DLGAP2: variants seen among roughly 807,000 people sequenced by gnomAD.
The protein encoded by DLGAP2 is DLG associated protein 2, also known as disks large-associated protein 2.
Under a neutral mutation model 100.3 loss-of-function variants are expected in DLGAP2, and 26 were observed. That is an observed-to-expected ratio of 0.26 (90% CI 0.19 to 0.36). The LOEUF (loss-of-function observed/expected upper bound fraction) is 0.36, where lower values mean the gene tolerates loss of function less well. Ranked by LOEUF, DLGAP2 falls within the 10% of genes least tolerant of loss-of-function variation. The pLI is 1.00. For missense variants in DLGAP2, 1,858 were observed against 1,453.2 expected (o/e 1.28, Z -4.53); for synonymous variants, 886 against 630.1 (o/e 1.41, Z -6.08).
intron 3 of DLGAP2, among the ~76,000 whole-genome samples, chr8:1,287,996 GTT>G (rs1263251867): frequency 0.78 from 83,367 of 106,470 alleles, 33,356 homozygotes; most frequent in African/African-American, 0.89. Context: ...GTGTGTGTGT[GTT>G]TGTGTGGTTC....
chr8:1,682,193 T>C lies in DLGAP2; in HGVS notation c.2704+3564T>C, dbSNP rs1798968658. ...TGTGACCCACGTGTGGTCCACAGAGTCCCTCAGCTGCGAAGACAGAGGCCA... is the reference window on the plus strand; with the variant it reads ...TGTGACCCACGTGTGGTCCACAGAGCCCCTCAGCTGCGAAGACAGAGGCCA... On this transcript the variant is annotated intron_variant, in intron 12 of 14. Transcript: ENST00000637795. Among the ~76,000 whole-genome samples, 4 of 152,068 alleles carry C rather than the reference T, an allele frequency of 2.6e-5. No individual in the cohort carries two copies. In the South Asian group the frequency reaches 8.3e-4, roughly 32 times the overall value.
chr8:1,232,264 T>C (rs1798551043), intron 2 of DLGAP2, among the ~76,000 whole-genome samples: 1 of 152,230 alleles, frequency 6.6e-6, no homozygotes, highest in South Asian at 2.1e-4. Context: ...GACCCCGTGC[T>C]GAGGAGTGGG....
intron 2 of DLGAP2, among the ~76,000 whole-genome samples, chr8:989,442 T>A (rs1352955742): frequency 6.6e-6 from 1 of 152,188 alleles, no homozygotes; most frequent in Non-Finnish European, 1.5e-5. Flanking sequence ...CTCTCCTGTG[T>A]CCTGGGCGGC....
intron 1 of DLGAP2, among the ~76,000 whole-genome samples, chr8:874,459 C>T (rs947322353): frequency 3.4e-4 from 51 of 152,024 alleles, no homozygotes; most frequent in African/African-American, 1.1e-3. Context: ...GTTCTTTGTC[C>T]CATTGGTTAT....
chr8:830,786 C>T (rs1348048935), intron 1 of DLGAP2, among the ~76,000 whole-genome samples: 1 of 151,864 alleles, frequency 6.6e-6, no homozygotes, highest in Non-Finnish European at 1.5e-5. Context: ...CTCATGTTGC[C>T]ATTTGAGTTA....
At chr8:1,377,459 G>T (rs1262061337) in intron 3 of DLGAP2, among the ~76,000 whole-genome samples, 3 of 152,240 alleles carry the variant, frequency 2.0e-5, no homozygotes, top group African/African-American at 7.2e-5. Context: ...CAGGATAATG[G>T]TGTGAACCTG....
intron 4 of DLGAP2, among the ~76,000 whole-genome samples, chr8:1,547,007 A>G (rs1486511407): frequency 6.6e-6 from 1 of 152,124 alleles, no homozygotes; most frequent in African/African-American, 2.4e-5. Flanking sequence ...CGAGGACGGC[A>G]CACAGCAAGG....
chr8:1,248,639 A>G (rs1798968112), intron 2 of DLGAP2: 1 of 151,918 alleles, frequency 6.6e-6, no homozygotes, highest in African/African-American at 2.4e-5. Context: ...GACCTTTGAG[A>G]TCAGTGTGGG....
In DLGAP2 at chr8:1,196,967, G is replaced by A. The variant is rs117203481; in HGVS notation, c.74-61884G>A. 1.3e-3 allele frequency among the ~76,000 whole-genome samples: 201 copies of A among 152,290 alleles called. 5 individuals are homozygous for A. In the East Asian group the frequency reaches 0.031, roughly 23 times the overall value. On this transcript the variant is annotated intron_variant, in intron 2 of 14. Coordinates refer to ENST00000637795, the MANE Select transcript of DLGAP2 (RefSeq NM_001346810.2). ...TCCATCCACAAGCTGGAGACCCAGG[G>A]AAGCCAGAGGTGTGATTAAGTCTGC...
intron 12 of DLGAP2, among the ~76,000 whole-genome samples, chr8:1,683,880 G>GTGTGTGTA (rs1799032225): frequency 2.8e-5 from 3 of 108,182 alleles, no homozygotes; most frequent in Non-Finnish European, 3.7e-5. Flanking sequence ...GTGTGTGTGT[G>GTGTGTGTA]TGTGTGTGTG....
intron 3 of DLGAP2, among the ~76,000 whole-genome samples, chr8:1,365,153 G>C (rs1802080588): frequency 2.0e-5 from 3 of 152,244 alleles, no homozygotes; most frequent in African/African-American, 7.2e-5. Flanking sequence ...AAAGCCATCT[G>C]TGGTTCGGGG....
At chr8:1,487,208 A>C (rs1237502494) in intron 3 of DLGAP2, among the ~76,000 whole-genome samples, 1 of 152,232 alleles carries the variant, frequency 6.6e-6, no homozygotes, top group African/African-American at 2.4e-5. Flanking sequence ...AATAATAGGA[A>C]ACCAGTTTCA....
At chr8:1,079,207 G>T (rs111736897) in intron 2 of DLGAP2, among the ~76,000 whole-genome samples, 4,610 of 152,194 alleles carry the variant, frequency 0.03, 222 homozygotes, top group African/African-American at 0.11. Flanking sequence ...CCTTGGTGAG[G>T]TGTCTCTTCA....
At chr8:759,159 C>G (rs1821003905) in intron 1 of DLGAP2, among the ~76,000 whole-genome samples, 4 of 98,580 alleles carry the variant, frequency 4.1e-5, no homozygotes, top group Admixed American at 1.1e-4. Context: ...ATCAATACCC[C>G]CCACAGCCTT....
intron 5 of DLGAP2, among the ~76,000 whole-genome samples, chr8:1,553,874 A>C (rs952622096): frequency 7.2e-5 from 11 of 152,198 alleles, no homozygotes; most frequent in Admixed American, 3.3e-4. Flanking sequence ...AACACATCTT[A>C]AAAGTCCCAT....
chr8:796,354 C>A (rs1796036870), intron 1 of DLGAP2, among the ~76,000 whole-genome samples: 7 of 152,174 alleles, frequency 4.6e-5, no homozygotes. Flanking sequence ...TCTGTCACGG[C>A]CCCTCCGAGA....
At chr8:1,424,147 G>C (rs1222254575) in intron 3 of DLGAP2, among the ~76,000 whole-genome samples, 3 of 152,256 alleles carry the variant, frequency 2.0e-5, no homozygotes, top group African/African-American at 4.8e-5. Flanking sequence ...AAGGAACACA[G>C]AATGAGCCTG....
At chr8:1,360,311 C>T (rs62487415) in intron 3 of DLGAP2, among the ~76,000 whole-genome samples, 16,461 of 58,694 alleles carry the variant, frequency 0.28, 2,454 homozygotes, top group African/African-American at 0.45. Context: ...GGGGCTTCTC[C>T]GGGGCGGGGC....
At chr8:1,295,389 G>A (rs1403462461) in intron 3 of DLGAP2, among the ~76,000 whole-genome samples, 1 of 152,198 alleles carries the variant, frequency 6.6e-6, no homozygotes, top group African/African-American at 2.4e-5. Flanking sequence ...GCCCTCCTTG[G>A]TGGCTCTGGA....
Sources: gnomAD v4.1 joint callset for allele counts (sites outside exome capture counted in the v4.1 genomes callset) on GRCh38, gnomAD v4.1.1 for gene constraint, MANE v1.5 for transcripts, NCBI Gene and HGNC (gene_info 2026-07-23, HGNC 2026-07-21) for gene names.